Variants in CCSER1 observed in about 807,000 individuals in gnomAD.
CCSER1 encodes the protein serine-rich coiled-coil domain-containing protein 1.
In CCSER1, 41 loss-of-function variants were observed where a neutral mutation model predicts 82.0. The observed-to-expected ratio is 0.50, with a 90% CI of 0.39 to 0.65. CCSER1 has a LOEUF of 0.65. CCSER1 is among the 30% of genes least tolerant of loss of function. CCSER1 has a pLI of 0.00. For missense variants in CCSER1, 1,119 were observed against 1,064.2 expected (o/e 1.05, Z -0.72); for synonymous variants, 414 against 383.9 (o/e 1.08, Z -0.92).
At chr4:90,293,529 G>C (rs1014315616) in intron 1 of CCSER1, among the ~76,000 whole-genome samples, 4 of 150,912 alleles carry the variant, frequency 2.7e-5, no homozygotes, top group Non-Finnish European at 5.9e-5. Flanking sequence ...AAGATCTCCT[G>C]CACCCTCTGC....
At chr4:91,137,789 C>G (rs1311283084) in intron 10 of CCSER1, among the ~76,000 whole-genome samples, 1 of 151,716 alleles carries the variant, frequency 6.6e-6, no homozygotes, top group Admixed American at 6.6e-5. Context: ...TATACACCAA[C>G]AACAGACAAA....
intron 10 of CCSER1, among the ~76,000 whole-genome samples, chr4:91,438,233 C>G (rs922065281): frequency 6.6e-6 from 1 of 152,230 alleles, no homozygotes; most frequent in African/African-American, 2.4e-5. Context: ...AGGCACCCCC[C>G]AGTAGGGGCA....
At chr4:91,381,705 G>A (rs887414005) in intron 10 of CCSER1, among the ~76,000 whole-genome samples, 39 of 152,034 alleles carry the variant, frequency 2.6e-4, no homozygotes, top group East Asian at 1.9e-4. Flanking sequence ...TCCTTTGCTC[G>A]GAGAAGTTTG....
At chr4:90,468,846 G>C (rs1338768021) in intron 5 of CCSER1, among the ~76,000 whole-genome samples, 6 of 151,904 alleles carry the variant, frequency 3.9e-5, no homozygotes, top group Non-Finnish European at 8.8e-5. Flanking sequence ...AACAGTTCAA[G>C]CTTTAATTTA....
intron 3 of CCSER1, among the ~76,000 whole-genome samples, chr4:90,364,465 A>G (rs1029521104): frequency 6.6e-6 from 1 of 152,094 alleles, no homozygotes; most frequent in African/African-American, 2.4e-5. Context: ...TGCAATTAAA[A>G]ATATGATATT....
intron 5 of CCSER1, among the ~76,000 whole-genome samples, chr4:90,478,731 CTTTT>C (rs59376887): frequency 2.3e-5 from 3 of 133,252 alleles, no homozygotes; most frequent in East Asian, 2.2e-4. Context: ...TTCTTTCTTT[CTTTT>C]TTTTTTTTTT....
chr4:90,685,428 G>A (rs1449297386), intron 6 of CCSER1, among the ~76,000 whole-genome samples: 1 of 152,112 alleles, frequency 6.6e-6, no homozygotes, highest in Non-Finnish European at 1.5e-5. Flanking sequence ...ACTAATTTAA[G>A]GATGTAATGG....
intron 1 of CCSER1, among the ~76,000 whole-genome samples, chr4:90,268,639 G>A (rs1725682223): frequency 6.6e-6 from 1 of 151,876 alleles, no homozygotes; most frequent in South Asian, 2.1e-4. Context: ...AGAAGGAAGT[G>A]GGACCACACA....
At chr4:91,406,093 G>A (rs1424663558) in intron 10 of CCSER1, among the ~76,000 whole-genome samples, 2 of 152,104 alleles carry the variant, frequency 1.3e-5, no homozygotes, top group East Asian at 3.9e-4. Flanking sequence ...TGAAGAAAGT[G>A]CAAAACAGAG....
intron 10 of CCSER1, among the ~76,000 whole-genome samples, chr4:91,582,993 T>C (rs1172207423): frequency 6.6e-6 from 1 of 151,428 alleles, no homozygotes; most frequent in Admixed American, 6.6e-5. Flanking sequence ...CCAGAATGAC[T>C]AATCCCATAC....
chr4:90,669,746 G>C (rs1156971443), intron 6 of CCSER1, among the ~76,000 whole-genome samples: 1 of 151,976 alleles, frequency 6.6e-6, no homozygotes, highest in Non-Finnish European at 1.5e-5. Context: ...AAAAAAATGT[G>C]AAGGAGAGGA....
intron 10 of CCSER1, among the ~76,000 whole-genome samples, chr4:91,351,933 A>G (rs1748499862): frequency 6.6e-6 from 1 of 152,128 alleles, no homozygotes; most frequent in South Asian, 2.1e-4. Context: ...TGTACATAAT[A>G]TAAATGATGA....
chr4:90,920,992 T>A (rs1228596787), intron 8 of CCSER1, among the ~76,000 whole-genome samples: 2 of 151,628 alleles, frequency 1.3e-5, no homozygotes, highest in Non-Finnish European at 1.5e-5. Flanking sequence ...TCTGATAAAA[T>A]ATATATATTT....
At chr4:90,220,127 AT>A (rs1741851910) in intron 1 of CCSER1, among the ~76,000 whole-genome samples, 2 of 152,156 alleles carry the variant, frequency 1.3e-5, no homozygotes, top group African/African-American at 4.8e-5. Context: ...TTGTTATAAA[AT>A]ATTTTGTTTT....
rs537555478 is a variant in CCSER1, at chr4:90,806,022, CT to C, written c.2011-9739del. 5.2e-3 allele frequency among the ~76,000 whole-genome samples: 792 copies of C among 152,184 alleles called. 7 individuals are homozygous for C. The highest frequency in any genetic ancestry group is 0.018 in the African/African-American group (743 of 41,538). ...AGTTGTTTAAAGGCTTTCATTTTGC[CT>C]GCTAGATAGATATTTTAGGTTGGTG... On this transcript the variant is annotated intron_variant, in intron 7 of 10. Transcript: ENST00000509176.
chr4:91,293,718 T>G (rs1743932740), intron 10 of CCSER1, among the ~76,000 whole-genome samples: 1 of 151,346 alleles, frequency 6.6e-6, no homozygotes, highest in Admixed American at 6.6e-5. Context: ...CTATGGTGAT[T>G]TTTTTTTAAC....
chr4:90,847,846 G>T (rs1580759607), intron 8 of CCSER1, among the ~76,000 whole-genome samples: 1 of 151,914 alleles, frequency 6.6e-6, no homozygotes, highest in African/African-American at 2.4e-5. Context: ...TTTACTTTTT[G>T]CTATAGATAT....
intron 5 of CCSER1, among the ~76,000 whole-genome samples, chr4:90,563,355 C>G (rs955767852): frequency 4.7e-5 from 7 of 150,374 alleles, no homozygotes; most frequent in African/African-American, 7.5e-5. Context: ...TGTGATTTGC[C>G]CGCCTCAGGC....
chr4:90,222,132 T>TG (rs1404700656), intron 1 of CCSER1, among the ~76,000 whole-genome samples: 1 of 152,086 alleles, frequency 6.6e-6, no homozygotes, highest in East Asian at 1.9e-4. Context: ...GACATAATCT[T>TG]GGGGCAACTC....
Sources: allele counts gnomAD v4.1 joint callset (sites outside exome capture counted in the v4.1 genomes callset), GRCh38; gene constraint gnomAD v4.1.1; transcripts MANE v1.5; gene names NCBI Gene and HGNC (gene_info 2026-07-23, HGNC 2026-07-21).